The following LYST variants were observed in gnomAD, a reference collection of about 807,000 sequenced individuals.
LYST encodes the protein lysosomal-trafficking regulator.
A neutral mutation model predicts 413.6 loss-of-function variants in LYST; 192 were observed. The observed-to-expected ratio is 0.46, with a 90% CI of 0.41 to 0.52. The LOEUF (loss-of-function observed/expected upper bound fraction) is 0.52. LYST is among the 20% of genes least tolerant of loss of function. The pLI, the probability that LYST is intolerant of heterozygous loss-of-function variation, is 0.00. For synonymous variants in LYST, 1,525 were observed against 1,567.3 expected (o/e 0.97, Z 0.64); for missense variants, 3,815 against 4,499.9 (o/e 0.85, Z 4.35).
chr1:235,789,944 T>C (rs551802943), intron 12 of LYST, among the ~76,000 whole-genome samples: 2 of 152,256 alleles, frequency 1.3e-5, no homozygotes, highest in South Asian at 4.1e-4. Flanking sequence ...GTGACAAAAT[T>C]GAGGTGCTGA....
At chr1:235,712,938 T>G in intron 42 of LYST, 1 of 985,396 alleles carries the variant, frequency 1.0e-6, no homozygotes, top group Non-Finnish European at 1.2e-6. Flanking sequence ...AAAGCTAGCC[T>G]CTGAAAACAG....
upstream of LYST, among the ~76,000 whole-genome samples, chr1:235,871,660 T>G (rs975402384): frequency 2.6e-5 from 4 of 152,352 alleles, no homozygotes; most frequent in Middle Eastern, 3.4e-3. Flanking sequence ...GCAAGCACTA[T>G]GTTTAAGGTA....
intron 1 of LYST, among the ~76,000 whole-genome samples, chr1:235,842,521 T>C: frequency 6.6e-6 from 1 of 152,224 alleles, no homozygotes; most frequent in East Asian, 1.9e-4. Flanking sequence ...AGATTTTGTC[T>C]GTTGTATTCA....
At chr1:235,775,620 T>C (rs1297868190) in intron 17 of LYST, among the ~76,000 whole-genome samples, 4 of 152,160 alleles carry the variant, frequency 2.6e-5, no homozygotes, top group Non-Finnish European at 5.9e-5. Flanking sequence ...ATAGGTATTC[T>C]GGAGAGCACA....
chr1:235,727,025 C>T lies in LYST; in HGVS notation c.9162+1051G>A, dbSNP rs540145532. On this transcript the variant is annotated intron_variant, in intron 38 of 52. Transcript: ENST00000389793. ...TTGCTATATAAATGAGAAAAGAATG[C>T]TGTTCATATTTCTGACTACTTTAAA... is the stretch of plus-strand genomic sequence containing the variant. 6.6e-5 allele frequency among the ~76,000 whole-genome samples: 10 copies of T among 152,086 alleles called. No individual in the cohort carries two copies. In the South Asian group the frequency reaches 2.1e-3, roughly 32 times the overall value.
At chr1:235,707,867 T>A (rs1029358685) in intron 44 of LYST, among the ~76,000 whole-genome samples, 8 of 152,018 alleles carry the variant, frequency 5.3e-5, no homozygotes, top group African/African-American at 1.9e-4. Context: ...GATTTCAGGG[T>A]TTTTTTGGGG....
chr1:235,738,910 C>A, intron 31 of LYST: 2 of 733,238 alleles, frequency 2.7e-6, no homozygotes, highest in South Asian at 2.9e-5. Context: ...GTGAAGGTGA[C>A]TCTGACTCCT....
intron 48 of LYST, among the ~76,000 whole-genome samples, chr1:235,680,153 ATT>A (rs1263517249): frequency 3.3e-5 from 5 of 151,994 alleles, no homozygotes; most frequent in Non-Finnish European, 7.4e-5. Flanking sequence ...TTGTATATAT[ATT>A]TTATCCACTC....
At chr1:235,681,505 G>A (rs939587608) in intron 48 of LYST, among the ~76,000 whole-genome samples, 6 of 152,138 alleles carry the variant, frequency 3.9e-5, no homozygotes, top group African/African-American at 1.4e-4. Context: ...CCATCATAGA[G>A]CCTACAAGGA....
chr1:235,703,218 T>C (rs1379644232), intron 44 of LYST, among the ~76,000 whole-genome samples: 4 of 152,216 alleles, frequency 2.6e-5, no homozygotes, highest in Non-Finnish European at 5.9e-5. Flanking sequence ...TAAAATTAGC[T>C]TTTAATTTAA....
At chr1:235,831,651 T>C (rs1255242401) in intron 2 of LYST, among the ~76,000 whole-genome samples, 1 of 152,220 alleles carries the variant, frequency 6.6e-6, no homozygotes, top group East Asian at 1.9e-4. Flanking sequence ...ATCAAAATTC[T>C]AGGTATTACA....
chr1:235,847,365 C>T (rs112475652), intron 1 of LYST, among the ~76,000 whole-genome samples: 4,339 of 152,258 alleles, frequency 0.028, 208 homozygotes, highest in African/African-American at 0.099. Flanking sequence ...ACTAGAAGAA[C>T]TGCTAAAAGG....
At chr1:235,852,550 T>C (rs1270458414) in intron 1 of LYST, among the ~76,000 whole-genome samples, 6 of 152,208 alleles carry the variant, frequency 3.9e-5, no homozygotes, top group Non-Finnish European at 7.3e-5. Flanking sequence ...GCAAATCTTA[T>C]GCATTCTAAA....
intron 44 of LYST, among the ~76,000 whole-genome samples, chr1:235,708,493 ACTG>A (rs1558137933): frequency 6.6e-6 from 1 of 152,314 alleles, no homozygotes; most frequent in East Asian, 1.9e-4. Flanking sequence ...CCATTCCCTA[ACTG>A]ATAAGAGTGG....
intron 1 of LYST, among the ~76,000 whole-genome samples, chr1:235,856,975 C>CA (rs1679264929): frequency 7.2e-6 from 1 of 138,200 alleles, no homozygotes; most frequent in South Asian, 2.4e-4. Context: ...GATGAAATCT[C>CA]ACTCTTGTCG....
At chr1:235,766,814 T>G (rs928406553) in intron 20 of LYST, among the ~76,000 whole-genome samples, 3 of 152,116 alleles carry the variant, frequency 2.0e-5, no homozygotes, top group African/African-American at 7.2e-5. Context: ...TTTCTTCTCC[T>G]TTTACTACTA....
At chr1:235,675,826 T>C (rs746093835) in intron 50 of LYST, among the ~76,000 whole-genome samples, 12 of 152,154 alleles carry the variant, frequency 7.9e-5, no homozygotes, top group Non-Finnish European at 1.6e-4. Flanking sequence ...AGTGTCACAA[T>C]TGAACTGCAT....
At chr1:235,697,312 G>T in intron 45 of LYST, 40 bp from the exon 46 acceptor site, 1 of 1,447,688 alleles carries the variant, frequency 6.9e-7, no homozygotes, top group Non-Finnish European at 9.6e-7. Flanking sequence ...TTTTTAAAAG[G>T]TGGTAAGTGT....
chr1:235,753,340 A>AGATGACCCATAGTTG, intron 25 of LYST, 66 bp from the exon 26 acceptor site: 1 of 957,466 alleles, frequency 1.0e-6, no homozygotes, highest in Non-Finnish European at 1.7e-6. Flanking sequence ...TATGATAGCA[A>AGATGACCCATAGTTG]CTATGGGTCA....
Sources: allele counts gnomAD v4.1 joint callset (sites outside exome capture counted in the v4.1 genomes callset), GRCh38; gene constraint gnomAD v4.1.1; transcripts MANE v1.5; gene names NCBI Gene and HGNC (gene_info 2026-07-23, HGNC 2026-07-21).